Variants in CCSER1 observed in about 807,000 individuals in gnomAD.
CCSER1 encodes coiled-coil serine rich protein 1.
In CCSER1, 41 loss-of-function variants were observed where a neutral mutation model predicts 82.0. That is an observed-to-expected ratio of 0.50 (90% CI 0.39 to 0.65). CCSER1 has a LOEUF of 0.65. CCSER1 is among the 30% of genes least tolerant of loss of function. The probability of loss-of-function intolerance (pLI) is 0.00; values close to 1 mark genes in which losing one functional copy is unlikely to be tolerated. For synonymous variants in CCSER1, 414 were observed against 383.9 expected, an observed-to-expected ratio of 1.08 and a Z score of -0.92; for missense variants, 1,119 against 1,064.2, an observed-to-expected ratio of 1.05 and a Z score of -0.72.
chr4:90,298,348 A>G (rs2153472464), intron 1 of CCSER1, among the ~76,000 whole-genome samples: 1 of 151,964 alleles, frequency 6.6e-6, no homozygotes, highest in East Asian at 1.9e-4. Flanking sequence ...TATCCCCTTT[A>G]TCATTTTTTC....
chr4:90,706,789 A>G (rs1232709536), intron 6 of CCSER1, among the ~76,000 whole-genome samples: 1 of 152,192 alleles, frequency 6.6e-6, no homozygotes, highest in Non-Finnish European at 1.5e-5. Context: ...TGTAGTTTTT[A>G]TTGTAAATTG....
At chr4:90,893,554 G>C (rs1370395600) in intron 8 of CCSER1, among the ~76,000 whole-genome samples, 1 of 152,066 alleles carries the variant, frequency 6.6e-6, no homozygotes, top group African/African-American at 2.4e-5. Context: ...TTCCGATGCT[G>C]TCTCTGGCTT....
chr4:91,181,509 A>G (rs1734030338), intron 10 of CCSER1, among the ~76,000 whole-genome samples: 1 of 152,168 alleles, frequency 6.6e-6, no homozygotes, highest in Non-Finnish European at 1.5e-5. Context: ...AGGCCATATC[A>G]TTTGAGGTTG....
chr4:90,652,005 T>G (rs1728844813), intron 6 of CCSER1, among the ~76,000 whole-genome samples: 1 of 152,120 alleles, frequency 6.6e-6, no homozygotes, highest in African/African-American at 2.4e-5. Flanking sequence ...AATAATAAAT[T>G]TCCTGTATAT....
In CCSER1 at chr4:91,381,069, T is replaced by C. The variant is rs556303557; in HGVS notation, c.2218-217503T>C. On this transcript the variant is annotated intron_variant, in intron 10 of 10. Transcript: ENST00000509176. Reference sequence around the variant, plus strand: ...TTCTTTTCTTTAAGAATGTTGAATATTGGCCCCCACTCTCTTCTGGATTAT... The same window carrying C: ...TTCTTTTCTTTAAGAATGTTGAATACTGGCCCCCACTCTCTTCTGGATTAT... 3.3e-5 allele frequency among the ~76,000 whole-genome samples: 5 copies of C among 152,330 alleles called. No individual in the cohort carries two copies. In the South Asian group the frequency reaches 1.0e-3, roughly 32 times the overall value.
intron 1 of CCSER1, among the ~76,000 whole-genome samples, chr4:90,208,162 T>C (rs1019325108): frequency 6.6e-5 from 10 of 152,184 alleles, no homozygotes; most frequent in Admixed American, 2.0e-4. Flanking sequence ...AGTCCCTGAC[T>C]GGGGCTGCTG....
intron 10 of CCSER1, among the ~76,000 whole-genome samples, chr4:91,178,237 G>T (rs1212149024): frequency 6.6e-6 from 1 of 152,090 alleles, no homozygotes; most frequent in African/African-American, 2.4e-5. Flanking sequence ...CCAACTATGT[G>T]GTCGGTTTTG....
At chr4:91,491,021 A>G (rs972660557) in intron 10 of CCSER1, among the ~76,000 whole-genome samples, 3 of 147,864 alleles carry the variant, frequency 2.0e-5, no homozygotes, top group Non-Finnish European at 4.5e-5. Context: ...TGTTACATCC[A>G]TTATCTAATT....
At chr4:91,226,383 A>C (rs1249759067) in intron 10 of CCSER1, among the ~76,000 whole-genome samples, 1 of 151,936 alleles carries the variant, frequency 6.6e-6, no homozygotes, top group Non-Finnish European at 1.5e-5. Context: ...AAATCATTGG[A>C]ATTTGCAAGA....
At chr4:91,189,011 A>T (rs1348982658) in intron 10 of CCSER1, among the ~76,000 whole-genome samples, 2 of 152,156 alleles carry the variant, frequency 1.3e-5, no homozygotes, top group African/African-American at 4.8e-5. Flanking sequence ...TAGAATTCTA[A>T]TATGTTAAAA....
intron 5 of CCSER1, among the ~76,000 whole-genome samples, chr4:90,498,598 A>G (rs1011119911): frequency 1.3e-5 from 2 of 152,186 alleles, no homozygotes; most frequent in African/African-American, 4.8e-5. Flanking sequence ...TTATAATGGC[A>G]TGATTATTCC....
At chr4:91,504,580 AAAT>A (rs1288940887) in intron 10 of CCSER1, among the ~76,000 whole-genome samples, 1 of 151,996 alleles carries the variant, frequency 6.6e-6, no homozygotes, top group Non-Finnish European at 1.5e-5. Flanking sequence ...GGTTTTATTA[AAAT>A]AATACTAGAT....
At chr4:91,536,932 G>A (rs1416693025) in intron 10 of CCSER1, among the ~76,000 whole-genome samples, 1 of 151,984 alleles carries the variant, frequency 6.6e-6, no homozygotes, top group African/African-American at 2.4e-5. Context: ...ACAGTAGATG[G>A]AGAGACAGTT....
intron 10 of CCSER1, among the ~76,000 whole-genome samples, chr4:91,362,844 T>C (rs1042585662): frequency 6.6e-6 from 1 of 151,884 alleles, no homozygotes; most frequent in Non-Finnish European, 1.5e-5. Context: ...GCAGAATTAC[T>C]TGCTTTGCCA....
intron 10 of CCSER1, among the ~76,000 whole-genome samples, chr4:91,181,331 A>G (rs889581443): frequency 4.6e-5 from 7 of 152,238 alleles, no homozygotes; most frequent in Non-Finnish European, 1.0e-4. Flanking sequence ...TCATCATTGA[A>G]ATCACAGAAC....
At chr4:90,906,706 G>GA (rs1483727964) in intron 8 of CCSER1, among the ~76,000 whole-genome samples, 2 of 151,888 alleles carry the variant, frequency 1.3e-5, no homozygotes, top group African/African-American at 2.4e-5. Flanking sequence ...GTTAAAGCTG[G>GA]AAAAATCTTT....
chr4:91,452,944 A>C (rs941297902), intron 10 of CCSER1, among the ~76,000 whole-genome samples: 1 of 152,094 alleles, frequency 6.6e-6, no homozygotes, highest in Non-Finnish European at 1.5e-5. Context: ...TTCATTGTTC[A>C]AATAATCCTC....
chr4:91,406,086 A>G (rs190780923), intron 10 of CCSER1, among the ~76,000 whole-genome samples: 1 of 152,224 alleles, frequency 6.6e-6, no homozygotes, highest in Non-Finnish European at 1.5e-5. Context: ...ATAATAATGA[A>G]GAAAGTGCAA....
chr4:90,391,052 T>G (rs1313469826), intron 3 of CCSER1, among the ~76,000 whole-genome samples: 5 of 142,252 alleles, frequency 3.5e-5, no homozygotes, highest in Non-Finnish European at 7.5e-5. Context: ...TCACCTGAGG[T>G]CAGGAGTTCA....
Sources: allele counts gnomAD v4.1 joint callset (sites outside exome capture counted in the v4.1 genomes callset), GRCh38; gene constraint gnomAD v4.1.1; transcripts MANE v1.5; gene names NCBI Gene and HGNC (gene_info 2026-07-23, HGNC 2026-07-21).